TNFRSF21: variants seen among roughly 807,000 people sequenced by gnomAD.
TNFRSF21 encodes the protein TNF receptor superfamily member 21.
A neutral mutation model predicts 45.6 loss-of-function variants in TNFRSF21; 19 were observed. The observed-to-expected ratio is 0.42, with a 90% confidence interval of 0.29 to 0.61. TNFRSF21 has a LOEUF of 0.61. TNFRSF21 is among the 20% of genes least tolerant of loss of function. The pLI is 0.23. For missense variants in TNFRSF21, 737 were observed against 851.5 expected, an observed-to-expected ratio of 0.87 and a Z score of 1.67; for synonymous variants, 314 against 335.5, an observed-to-expected ratio of 0.94 and a Z score of 0.70.
intron 1 of TNFRSF21, among the ~76,000 whole-genome samples, chr6:47,309,163 C>G (rs1762981508): frequency 6.6e-6 from 1 of 152,186 alleles, no homozygotes; most frequent in Non-Finnish European, 1.5e-5. Flanking sequence ...GCGTCTCCTC[C>G]AGCAAAGCCA....
chr6:47,305,588 C>A (rs1048920705), intron 1 of TNFRSF21, among the ~76,000 whole-genome samples: 2 of 152,102 alleles, frequency 1.3e-5, no homozygotes, highest in Non-Finnish European at 2.9e-5. Context: ...AAGTGAATTG[C>A]CAATGTACGA....
At chr6:47,252,738 C>T (rs542533942) in intron 4 of TNFRSF21, among the ~76,000 whole-genome samples, 43 of 152,176 alleles carry the variant, frequency 2.8e-4, no homozygotes, top group Non-Finnish European at 5.1e-4. Flanking sequence ...CAGTTCCCAT[C>T]TGATGTGCTC....
chr6:47,242,044 A>G lies in TNFRSF21; in HGVS notation c.1510-7146T>C, dbSNP rs950916193. On this transcript the variant is annotated intron_variant, in intron 4 of 5. Coordinates refer to ENST00000296861, the MANE Select transcript of TNFRSF21 (RefSeq NM_014452.5). ...GGATGGAAGAAAGAACAGGAGCACA[A>G]CACCAAGATGTTCTGCTCAGCTTCC... is the stretch of plus-strand genomic sequence containing the variant. Among the ~76,000 whole-genome samples the G allele has an allele frequency of 2.0e-5, 3 of 152,266 alleles. No homozygotes were observed. The East Asian group carries it at 5.8e-4, about 29-fold the overall frequency.
intron 1 of TNFRSF21, among the ~76,000 whole-genome samples, chr6:47,307,548 A>G (rs1338912029): frequency 6.6e-6 from 1 of 151,890 alleles, no homozygotes; most frequent in African/African-American, 2.4e-5. Flanking sequence ...CACCCACCTA[A>G]TTTCTTGTAG....
Position 47,309,533 on chromosome 6 carries a change from G to T in TNFRSF21, c.-22C>A. 7.1e-7 allele frequency: 1 copy of T among 1,406,236 alleles called. No individual in the cohort carries two copies. The highest frequency in any genetic ancestry group is 9.2e-7 in the Non-Finnish European group (1 of 1,087,724). 87.1% of individuals were successfully genotyped at this position (1,406,236 alleles called of 1,614,324 possible). ...CCATGGCTGAACCGGGGACTCGCAGGGGCGCCCGGGGCGCGCGGGGCAGCT... is the reference window on the plus strand; with the variant it reads ...CCATGGCTGAACCGGGGACTCGCAGTGGCGCCCGGGGCGCGCGGGGCAGCT... On this transcript the variant is annotated 5_prime_UTR_variant, in exon 1 of 6. Coordinates refer to ENST00000296861, the MANE Select transcript of TNFRSF21 (RefSeq NM_014452.5).
At chr6:47,252,088 A>G (rs1764908658) in intron 4 of TNFRSF21, among the ~76,000 whole-genome samples, 1 of 152,258 alleles carries the variant, frequency 6.6e-6, no homozygotes, top group Admixed American at 6.5e-5. Flanking sequence ...GTCAAGAATT[A>G]CTGCGCTATC....
chr6:47,262,180 G>C (rs1348103038), intron 3 of TNFRSF21, among the ~76,000 whole-genome samples: 2 of 152,188 alleles, frequency 1.3e-5, no homozygotes, highest in Non-Finnish European at 2.9e-5. Flanking sequence ...AAGATCTCTT[G>C]AAGTAAATGG....
intron 1 of TNFRSF21, among the ~76,000 whole-genome samples, chr6:47,294,525 C>T (rs1225196525): frequency 6.6e-6 from 1 of 152,160 alleles, no homozygotes; most frequent in African/African-American, 2.4e-5. Context: ...AGCAGTCTGG[C>T]CTTATACCCT....
intron 1 of TNFRSF21, among the ~76,000 whole-genome samples, chr6:47,290,903 T>C (rs1762715376): frequency 6.6e-6 from 1 of 152,234 alleles, no homozygotes; most frequent in African/African-American, 2.4e-5. Context: ...GAGAACTCTA[T>C]TCCAGCCCTT....
rs1250583061 is a variant in TNFRSF21 at position 47,232,208 on chromosome 6, CTTAAATTTTCTTAATCTTTAAGAAAAT to C, written c.*530_*556del. The C allele has an allele frequency of 3.9e-5, 6 of 152,574 alleles. No homozygotes were observed. The highest frequency in any genetic ancestry group is 1.5e-4 in the African/African-American group (6 of 41,374). 9.5% of individuals were successfully genotyped at this position (152,574 alleles called of 1,614,324 possible). ...TTGCATTACAGTAACTCAATGGGGT[CTTAAATTTTCTTAATCTTTAAGAAAAT>C]TTATAAAGGACAAACAATAATAAAA... On this transcript the variant is annotated 3_prime_UTR_variant, in exon 6 of 6. Transcript: ENST00000296861.
Position 47,285,975 on chromosome 6 carries a change from A to T in TNFRSF21, c.717T>A (p.His239Gln), listed in dbSNP as rs746034175. The change falls in exon 2 of 6, where the codon CAT becomes CAA. Residue 239 changes from histidine to glutamine, a missense_variant. Physicochemically the swap from His to Gln is conservative, Grantham distance 24. Coordinates refer to ENST00000296861, the MANE Select transcript of TNFRSF21 (RefSeq NM_014452.5). ...GAACATAAGTGGAGGAAGGGACTTC[A>T]TGGGTTTCCATGTGCTCAGGGCGTG... ...IFPRPEHMETHEVPSSTYVPK... is the reference protein window; with the variant it reads ...IFPRPEHMETQEVPSSTYVPK... The T allele has an allele frequency of 1.6e-5, 26 of 1,614,214 alleles. No individual in the cohort carries two copies. Among genetic ancestry groups the T allele is most frequent in the Non-Finnish European group, 2.1e-5 (25 of 1,180,040 alleles).
At chr6:47,249,279 A>G (rs946017422) in intron 4 of TNFRSF21, among the ~76,000 whole-genome samples, 6 of 152,234 alleles carry the variant, frequency 3.9e-5, no homozygotes, top group Non-Finnish European at 7.3e-5. Context: ...CTGTGCACAA[A>G]ATGTGTTATG....
chr6:47,244,137 C>T (rs1036679542), intron 4 of TNFRSF21, among the ~76,000 whole-genome samples: 5 of 151,948 alleles, frequency 3.3e-5, no homozygotes, highest in East Asian at 1.9e-4. Flanking sequence ...CTGGCTAACA[C>T]GGTGAAACCC....
At chr6:47,238,757 GA>G in intron 4 of TNFRSF21, among the ~76,000 whole-genome samples, 1 of 152,286 alleles carries the variant, frequency 6.6e-6, no homozygotes, top group South Asian at 2.1e-4. Flanking sequence ...CATCCAAATG[GA>G]TTAGGTAAAC....
chr6:47,271,524 T>A (rs974338885), intron 3 of TNFRSF21, among the ~76,000 whole-genome samples: 6 of 152,124 alleles, frequency 3.9e-5, no homozygotes, highest in African/African-American at 1.4e-4. Flanking sequence ...GCACAAAACA[T>A]GCAGAGAAAC....
At chr6:47,294,282 T>TAC (rs1386662457) in intron 1 of TNFRSF21, among the ~76,000 whole-genome samples, 1 of 152,184 alleles carries the variant, frequency 6.6e-6, no homozygotes, top group African/African-American at 2.4e-5. Flanking sequence ...TAGCTGGGAC[T>TAC]ACAGGGGCAC....
At chr6:47,259,802 G>A (rs147163661) in intron 3 of TNFRSF21, among the ~76,000 whole-genome samples, 7 of 152,298 alleles carry the variant, frequency 4.6e-5, no homozygotes, top group African/African-American at 1.7e-4. Flanking sequence ...ATCTGAGAAG[G>A]TGGCCCTGGC....
chr6:47,261,907 T>G (rs574366927), intron 3 of TNFRSF21, among the ~76,000 whole-genome samples: 3 of 152,226 alleles, frequency 2.0e-5, no homozygotes, highest in Non-Finnish European at 4.4e-5. Flanking sequence ...CCAACAGCAG[T>G]AACTTCCAGT....
intron 4 of TNFRSF21, among the ~76,000 whole-genome samples, chr6:47,239,666 G>T (rs1362291987): frequency 6.6e-6 from 1 of 152,134 alleles, no homozygotes; most frequent in Non-Finnish European, 1.5e-5. Flanking sequence ...CCTGGAAAAA[G>T]CATTGCAAGA....
Sources: gnomAD v4.1 joint callset for allele counts (sites outside exome capture counted in the v4.1 genomes callset) on GRCh38, gnomAD v4.1.1 for gene constraint, MANE v1.5 for transcripts, NCBI Gene and HGNC (gene_info 2026-07-23, HGNC 2026-07-21) for gene names.